Variants in DLG2 observed in about 807,000 individuals in gnomAD.
DLG2 encodes the protein disks large homolog 2.
A neutral mutation model predicts 132.5 loss-of-function variants in DLG2; 45 were observed. The ratio of observed to expected loss-of-function variants is 0.34; its 90% CI spans 0.27 to 0.44. DLG2 has a LOEUF of 0.44. DLG2 is among the 20% of genes least tolerant of loss of function. The pLI, the probability that DLG2 is intolerant of heterozygous loss-of-function variation, is 1.00. For missense variants in DLG2, 1,045 were observed against 1,196.9 expected, an observed-to-expected ratio of 0.87 and a Z score of 1.87; for synonymous variants, 424 against 419.6, an observed-to-expected ratio of 1.01 and a Z score of -0.13.
At chr11:85,129,104 A>G (rs891996680) in intron 5 of DLG2, among the ~76,000 whole-genome samples, 3 of 152,196 alleles carry the variant, frequency 2.0e-5, no homozygotes, top group Non-Finnish European at 4.4e-5. Context: ...ACACTAAAAC[A>G]TGTTCTTTCT....
At chr11:84,292,937 A>G (rs2098026425) in intron 7 of DLG2, among the ~76,000 whole-genome samples, 1 of 152,184 alleles carries the variant, frequency 6.6e-6, no homozygotes, top group Admixed American at 6.5e-5. Flanking sequence ...ATTGCAAAAA[A>G]TCTCATAATA....
chr11:84,424,198 G>A (rs1373324715), intron 7 of DLG2, among the ~76,000 whole-genome samples: 1 of 152,080 alleles, frequency 6.6e-6, no homozygotes, highest in African/African-American at 2.4e-5. Flanking sequence ...TTAAATCAGA[G>A]TCACCTTCCA....
At chr11:84,424,240 G>A (rs1390962467) in intron 7 of DLG2, among the ~76,000 whole-genome samples, 1 of 152,066 alleles carries the variant, frequency 6.6e-6, no homozygotes, top group Non-Finnish European at 1.5e-5. Flanking sequence ...GAAACTCAAG[G>A]TTGCTATATT....
chr11:83,919,323 CAGAT>C (rs781136313), intron 15 of DLG2, among the ~76,000 whole-genome samples: 6 of 152,088 alleles, frequency 3.9e-5, no homozygotes, highest in Non-Finnish European at 7.4e-5. Flanking sequence ...AGTAACTGGT[CAGAT>C]AGAAAGGAAA....
intron 9 of DLG2, among the ~76,000 whole-genome samples, chr11:84,100,871 T>C (rs1287914248): frequency 6.6e-6 from 1 of 152,104 alleles, no homozygotes; most frequent in Non-Finnish European, 1.5e-5. Context: ...TTTATAAAAC[T>C]GATTTCCAGA....
Position 85,583,120 on chromosome 11 carries a change from GTGTGTGTGTGTATATATA to G in DLG2, c.40+15519_40+15536del, listed in dbSNP as rs61670127. The stretch of plus-strand genomic sequence containing the variant: ...TGTGTGTGTGTGTGTGTGTGTGTGT[GTGTGTGTGTGTATATATA>G]TATATATATATATATATATATATAT... On this transcript the variant is annotated intron_variant, in intron 3 of 27. Transcript: ENST00000376104. Among the ~76,000 whole-genome samples, 389 of 57,804 alleles carry G rather than the reference GTGTGTGTGTGTATATATA, an allele frequency of 6.7e-3. 1 individual carries two copies. Among genetic ancestry groups the G allele is most frequent in the South Asian group, 0.024 (37 of 1,524 alleles). 37.9% of individuals were successfully genotyped at this position (57,804 alleles called of 152,430 possible).
rs182613282 is a variant in DLG2, at chr11:84,306,394, T to C, written c.520-55103A>G. ...GCAGATGAAATCTATACACATAGAT[T>C]GATGCAGGAGAGGTGTGTCAATACT... On this transcript the variant is annotated intron_variant, in intron 7 of 27. Coordinates refer to ENST00000376104, the MANE Select transcript of DLG2 (RefSeq NM_001142699.3). 2.3e-3 allele frequency among the ~76,000 whole-genome samples: 353 copies of C among 152,302 alleles called. 1 individual carries two copies. The highest frequency in any genetic ancestry group is 4.2e-3 in the Non-Finnish European group (286 of 68,024).
At chr11:84,793,693 T>C (rs113936539) in intron 6 of DLG2, among the ~76,000 whole-genome samples, 2,300 of 152,310 alleles carry the variant, frequency 0.015, 53 homozygotes, top group African/African-American at 0.051. Flanking sequence ...TGTCTTGAAG[T>C]CTATTTTGTC....
intron 6 of DLG2, among the ~76,000 whole-genome samples, chr11:84,821,659 A>AC (rs1491467535): frequency 6.6e-6 from 1 of 151,142 alleles, no homozygotes; most frequent in African/African-American, 2.4e-5. Flanking sequence ...AACAAAAAAA[A>AC]CAAAAAAACA....
intron 4 of DLG2, among the ~76,000 whole-genome samples, chr11:85,212,536 G>C (rs1212473337): frequency 6.6e-6 from 1 of 152,112 alleles, no homozygotes; most frequent in Non-Finnish European, 1.5e-5. Flanking sequence ...GAAAAGCCTA[G>C]AGAGATGAGG....
chr11:84,942,808 A>C (rs1346151352), intron 6 of DLG2, among the ~76,000 whole-genome samples: 1 of 152,144 alleles, frequency 6.6e-6, no homozygotes, highest in African/African-American at 2.4e-5. Context: ...TTTAATGCTG[A>C]AAGTGGGGTG....
At chr11:85,264,933 CT>C (rs1294059143) in intron 4 of DLG2, among the ~76,000 whole-genome samples, 5 of 152,174 alleles carry the variant, frequency 3.3e-5, no homozygotes, top group Non-Finnish European at 7.3e-5. Context: ...TAATCTGATC[CT>C]GTCTATGATC....
At chr11:85,153,636 TAAAG>T (rs778182336) in intron 5 of DLG2, among the ~76,000 whole-genome samples, 1 of 152,222 alleles carries the variant, frequency 6.6e-6, no homozygotes, top group South Asian at 2.1e-4. Context: ...AGGAATAAAA[TAAAG>T]AAAGAAACCA....
Position 85,478,641 on chromosome 11 carries a change from A to G in DLG2, c.40+120016T>C, listed in dbSNP as rs546000772. On this transcript the variant is annotated intron_variant, in intron 3 of 27. Coordinates refer to ENST00000376104, the MANE Select transcript of DLG2 (RefSeq NM_001142699.3). ...GGCTGAGTTTGCTTATTTGTAAAAT[A>G]CAGATAATTAACAACTGCCTCCCAT... 2.6e-5 allele frequency among the ~76,000 whole-genome samples: 4 copies of G among 152,362 alleles called. No individual in the cohort carries two copies. The East Asian group carries it at 7.7e-4, about 29-fold the overall frequency.
chr11:83,942,440 T>C (rs1027378673), intron 14 of DLG2, among the ~76,000 whole-genome samples: 26 of 152,320 alleles, frequency 1.7e-4, no homozygotes, highest in African/African-American at 5.3e-4. Context: ...AAAAAGAGTC[T>C]AGAAGCATAC....
At chr11:84,679,965 C>T (rs1014200605) in intron 6 of DLG2, among the ~76,000 whole-genome samples, 5 of 152,106 alleles carry the variant, frequency 3.3e-5, no homozygotes, top group African/African-American at 1.2e-4. Flanking sequence ...TACAATTTAG[C>T]TCTCGTACTG....
intron 16 of DLG2, among the ~76,000 whole-genome samples, chr11:83,864,058 G>A (rs771862686): frequency 6.6e-6 from 1 of 152,178 alleles, no homozygotes; most frequent in Non-Finnish European, 1.5e-5. Flanking sequence ...CTTCCATGTA[G>A]CTCTTACAGA....
At chr11:83,502,502 T>G (rs1000980991) in intron 21 of DLG2, among the ~76,000 whole-genome samples, 4 of 152,166 alleles carry the variant, frequency 2.6e-5, no homozygotes, top group Non-Finnish European at 5.9e-5. Flanking sequence ...GCAATGAGAT[T>G]TTGGTGATCA....
At chr11:83,543,730 T>C (rs2096154086) in intron 19 of DLG2, among the ~76,000 whole-genome samples, 1 of 152,138 alleles carries the variant, frequency 6.6e-6, no homozygotes, top group Admixed American at 6.6e-5. Flanking sequence ...TATGAACTAA[T>C]GTTATTATTA....
Sources: allele counts gnomAD v4.1 joint callset (sites outside exome capture counted in the v4.1 genomes callset), GRCh38; gene constraint gnomAD v4.1.1; transcripts MANE v1.5; gene names NCBI Gene and HGNC (gene_info 2026-07-23, HGNC 2026-07-21).